The following EXD1 variants were observed in gnomAD, a reference collection of about 807,000 sequenced individuals.
EXD1 encodes the protein exonuclease 3'-5' domain containing 1, also known as piRNA biogenesis protein EXD1.
Under a neutral mutation model 49.1 loss-of-function variants are expected in EXD1, and 63 were observed. The ratio of observed to expected loss-of-function variants is 1.28; its 90% confidence interval spans 1.05 to 1.58. EXD1 has a LOEUF of 1.58. Among genes scored for constraint, EXD1 ranks in the 40% most tolerant of loss-of-function variants. EXD1 has a pLI of 0.00. For missense variants in EXD1, 748 were observed against 666.0 expected (o/e 1.12, Z -1.36); for synonymous variants, 234 against 239.2 (o/e 0.98, Z 0.20).
chr15:41,215,748 C>A (rs1363963131), intron 6 of EXD1, 27 bp downstream of exon 6: 1 of 1,604,714 alleles, frequency 6.2e-7, no homozygotes, highest in Non-Finnish European at 8.5e-7. Flanking sequence ...ACAGGCAATA[C>A]TAGTAATGAT....
chr15:41,216,799 T>C lies in EXD1; in HGVS notation c.261-4A>G. On this transcript the variant is annotated splice_polypyrimidine_tract_variant and splice_region_variant and intron_variant, in intron 4 of 11. Transcript: ENST00000458580. ...CCAGGTTCTTTCTGCATGTAGACTATCCTTACAAGAAACAATATTTGGGTG... is the reference window on the plus strand; with the variant it reads ...CCAGGTTCTTTCTGCATGTAGACTACCCTTACAAGAAACAATATTTGGGTG... 3.1e-6 allele frequency: 5 copies of C among 1,610,046 alleles called. No homozygotes were observed. Among genetic ancestry groups the C allele is most frequent in the Non-Finnish European group, 4.2e-6 (5 of 1,179,216 alleles).
At chr15:41,185,345 T>TGTTTC (rs1178990804) in intron 11 of EXD1, among the ~76,000 whole-genome samples, 3 of 152,114 alleles carry the variant, frequency 2.0e-5, no homozygotes, top group African/African-American at 7.2e-5. Flanking sequence ...TTTTTTGTTT[T>TGTTTC]GTTTTGTTTT....
chr15:41,198,060 CCA>C (rs757506464), intron 7 of EXD1, among the ~76,000 whole-genome samples: 2 of 152,068 alleles, frequency 1.3e-5, no homozygotes, highest in Admixed American at 6.6e-5. Flanking sequence ...AGAAATTTTA[CCA>C]GTCTCATCTA....
chr15:41,226,944 T>C (rs1485333035), intron 1 of EXD1, among the ~76,000 whole-genome samples: 1 of 152,112 alleles, frequency 6.6e-6, no homozygotes, highest in East Asian at 1.9e-4. Context: ...TATACATCAT[T>C]ATAACAAAAA....
chr15:41,197,329 G>A (rs1015214665), intron 7 of EXD1, among the ~76,000 whole-genome samples: 10 of 150,684 alleles, frequency 6.6e-5, no homozygotes, highest in South Asian at 2.1e-4. Flanking sequence ...CCGGGTTCTC[G>A]CCATTCTCCT....
intron 9 of EXD1, among the ~76,000 whole-genome samples, chr15:41,194,277 T>C (rs1595430556): frequency 6.6e-6 from 1 of 151,978 alleles, no homozygotes; most frequent in Non-Finnish European, 1.5e-5. Flanking sequence ...TCCCAAAGTG[T>C]TGGGATTACA....
At chr15:41,215,965 TC>T in intron 5 of EXD1, 132 bp from the exon 6 acceptor site, 2 of 760,832 alleles carry the variant, frequency 2.6e-6, no homozygotes, top group Non-Finnish European at 2.3e-6. Flanking sequence ...AAAACCACCC[TC>T]CCTACGTACT....
chr15:41,190,195 C>T (rs748358923), intron 10 of EXD1, 67 bp from the exon 11 acceptor site: 1 of 1,556,438 alleles, frequency 6.4e-7, no homozygotes, highest in Non-Finnish European at 8.8e-7. Context: ...CTGTTTTAGG[C>T]TGGGCACAGT....
chr15:41,229,894 T>C (rs1240778918), intron 1 of EXD1, among the ~76,000 whole-genome samples: 1 of 152,066 alleles, frequency 6.6e-6, no homozygotes, highest in Non-Finnish European at 1.5e-5. Flanking sequence ...AACTAGTAAC[T>C]TAAGTTGACC....
chr15:41,205,194 G>A (rs1235097157), intron 7 of EXD1, among the ~76,000 whole-genome samples: 4 of 152,084 alleles, frequency 2.6e-5, no homozygotes, highest in Non-Finnish European at 5.9e-5. Context: ...ACCTACAGAA[G>A]GCAAAGGGAA....
Position 41,219,901 on chromosome 15 carries a change from G to A in EXD1, c.134-3C>T, listed in dbSNP as rs1470286251. 1 of 1,531,216 alleles carries A rather than the reference G, an allele frequency of 6.5e-7. No individual in the cohort carries two copies. Among genetic ancestry groups the A allele is most frequent in the Non-Finnish European group, 8.7e-7 (1 of 1,144,768 alleles). 94.9% of individuals were successfully genotyped at this position (1,531,216 alleles called of 1,614,324 possible). ...TCGACCTGTCTCCACATTCTTCACT[G>A]TTACAGAAAACAATTCATTCAGTTA... On this transcript the variant is annotated splice_region_variant and splice_polypyrimidine_tract_variant and intron_variant, in intron 2 of 11. Coordinates refer to ENST00000458580, the MANE Select transcript of EXD1 (RefSeq NM_001286441.2).
At chr15:41,199,753 A>AATATATTATATATG (rs1326775145) in intron 7 of EXD1, among the ~76,000 whole-genome samples, 3 of 96,888 alleles carry the variant, frequency 3.1e-5, no homozygotes, top group African/African-American at 4.5e-5. Flanking sequence ...TATATTATAT[A>AATATATTATATATG]TGATACATAT....
chr15:41,190,276 C>A, intron 10 of EXD1, 148 bp from the exon 11 acceptor site: 1 of 752,374 alleles, frequency 1.3e-6, no homozygotes, highest in Non-Finnish European at 2.2e-6. Flanking sequence ...ACATCAAGAC[C>A]ATCCTGGCCA....
chr15:41,204,845 G>T (rs566953423), intron 7 of EXD1, among the ~76,000 whole-genome samples: 109 of 152,134 alleles, frequency 7.2e-4, no homozygotes, highest in Non-Finnish European at 1.2e-3. Context: ...CCATAAAAAT[G>T]ATCTGACCCA....
intron 10 of EXD1, 30 bp from the exon 11 acceptor site, chr15:41,190,158 C>T (rs370399587): frequency 2.5e-6 from 4 of 1,610,384 alleles, no homozygotes; most frequent in Non-Finnish European, 3.4e-6. Context: ...TTCCTCTGAA[C>T]AGTAAGCAAG....
intron 7 of EXD1, among the ~76,000 whole-genome samples, chr15:41,197,617 CA>C (rs2046636875): frequency 6.6e-6 from 1 of 151,370 alleles, no homozygotes; most frequent in Non-Finnish European, 1.5e-5. Context: ...TTTTCAAAAG[CA>C]AAGAAAAGGA....
In EXD1 at chr15:41,230,591, A is replaced by G. The variant is rs898952591; in HGVS notation, c.-166T>C. ...TGGTGCGTTCCTCGAACTTCAGTCTAGAACTAAAAGAAGAGGGGCTGCAAT... is the reference window on the plus strand; with the variant it reads ...TGGTGCGTTCCTCGAACTTCAGTCTGGAACTAAAAGAAGAGGGGCTGCAAT... On this transcript the variant is annotated 5_prime_UTR_variant, in exon 1 of 12. Coordinates refer to ENST00000458580, the MANE Select transcript of EXD1 (RefSeq NM_001286441.2). 95 of 1,594,448 alleles carry G rather than the reference A, an allele frequency of 6.0e-5. No homozygotes were observed. The highest frequency in any genetic ancestry group is 7.8e-5 in the Non-Finnish European group (91 of 1,164,334).
intron 7 of EXD1, among the ~76,000 whole-genome samples, chr15:41,208,549 T>C (rs976197628): frequency 2.0e-5 from 3 of 151,828 alleles, no homozygotes; most frequent in African/African-American, 7.3e-5. Context: ...GATCAGGAGT[T>C]TGTGACCAGC....
rs1191728859 is a variant in EXD1, at chr15:41,191,579, C to A, written c.727G>T (p.Asp243Tyr). The A allele has an allele frequency of 6.2e-7, 1 of 1,613,862 alleles. No individual in the cohort carries two copies. Among genetic ancestry groups the A allele is most frequent in the Non-Finnish European group, 8.5e-7 (1 of 1,179,924 alleles). Residue 243 changes from aspartate (D) to tyrosine (Y), a missense_variant, in exon 10 of 12, where the codon GAT (aspartate) becomes TAT (tyrosine). Coordinates refer to ENST00000458580, the MANE Select transcript of EXD1 (RefSeq NM_001286441.2). ...GTTTCCATGGAAAACTGAAGTACAT[C>A]TGCTACCTGTGGTATTTTAAAAAGA... ...LNNVFDTQVA[D>Y]VLQFSMETGG...
Sources: gnomAD v4.1 joint callset for allele counts (sites outside exome capture counted in the v4.1 genomes callset) on GRCh38, gnomAD v4.1.1 for gene constraint, MANE v1.5 for transcripts, NCBI Gene and HGNC (gene_info 2026-07-23, HGNC 2026-07-21) for gene names.